SRC: variants seen among roughly 807,000 people sequenced by gnomAD.
SRC encodes the protein SRC proto-oncogene, non-receptor tyrosine kinase.
SRC carries 13 observed loss-of-function variants against 62.9 expected under a neutral mutation model. That is an observed-to-expected ratio of 0.21 (90% CI 0.13 to 0.33). The LOEUF is 0.33. Ranked by LOEUF, SRC falls within the 10% of genes least tolerant of loss-of-function variation. The pLI is 1.00. For synonymous variants in SRC, 302 were observed against 317.5 expected (o/e 0.95, Z 0.52); for missense variants, 457 against 737.3 (o/e 0.62, Z 4.40).
In SRC at chr20:37,397,775, G is replaced by A. The variant is rs1322791122; in HGVS notation, c.780G>A (p.Lys260=). The part of the protein sequence containing the change: ...TSKPQTQGLA[K]DAWEIPRESL... Reference sequence around the variant, plus strand: ...AGCCGCAGACTCAGGGCCTGGCCAAGGATGCCTGGGAGATCCCTCGGGAGT... The same window carrying A: ...AGCCGCAGACTCAGGGCCTGGCCAAAGATGCCTGGGAGATCCCTCGGGAGT... The change falls in exon 9 of 14, where the codon AAG becomes AAA. Residue 260 remains lysine, a synonymous_variant. Coordinates refer to ENST00000373578, the MANE Select transcript of SRC (RefSeq NM_198291.3). The surrounding 1 kb of genome is among the most constrained non-coding windows in gnomAD (Gnocchi z 4.1). 6.2e-7 allele frequency: 1 copy of A among 1,612,576 alleles called. No individual in the cohort carries two copies. The highest frequency in any genetic ancestry group is 8.5e-7 in the Non-Finnish European group (1 of 1,179,734).
chr20:37,352,960 A>G (rs2069828944), intron 1 of SRC, among the ~76,000 whole-genome samples: 1 of 152,180 alleles, frequency 6.6e-6, no homozygotes. Context: ...TACTGACCCC[A>G]CATCCACCAT....
intron 1 of SRC, among the ~76,000 whole-genome samples, chr20:37,363,616 G>A (rs900506855): frequency 9.2e-5 from 14 of 152,220 alleles, no homozygotes; most frequent in South Asian, 2.1e-4. Flanking sequence ...GGAGGGGAGC[G>A]TGAACCCCGG....
At position 37,403,939 on chromosome 20, in the gene SRC, T is replaced by G. The variant is rs990414504; in HGVS notation, c.*560T>G. 14 of 239,330 alleles carry G rather than the reference T, an allele frequency of 5.8e-5. No individual in the cohort carries two copies. In the East Asian group the frequency reaches 8.3e-4, roughly 14 times the overall value. The allele number at this position is 239,330 out of a possible 1,614,324, so 14.8% of individuals were successfully genotyped here. On this transcript the variant is annotated 3_prime_UTR_variant, in exon 14 of 14. Coordinates refer to ENST00000373578, the MANE Select transcript of SRC (RefSeq NM_198291.3). The surrounding 1 kb of genome is among the most constrained non-coding windows in gnomAD (Gnocchi z 7.1). The stretch of plus-strand genomic sequence containing the variant: ...AGGCTGGGCAGCACAAGGCCTTGCC[T>G]GGCCTGATGATGGTGGGTGGGTGGG...
intron 1 of SRC, among the ~76,000 whole-genome samples, chr20:37,348,475 A>G (rs1318481549): frequency 6.6e-6 from 1 of 152,208 alleles, no homozygotes; most frequent in Non-Finnish European, 1.5e-5. Flanking sequence ...CGTACCAGGA[A>G]CTTGGAACTC....
rs2070653515 is a variant in SRC, at chr20:37,396,486, C to T, written c.703+175C>T. On this transcript the variant is annotated intron_variant, in intron 8 of 13. Coordinates refer to ENST00000373578, the MANE Select transcript of SRC (RefSeq NM_198291.3). The surrounding 1 kb of genome is among the most constrained non-coding windows in gnomAD (Gnocchi z 6.1). ...TTTTCCCTCCTTTCCTTGTCTCCTT[C>T]TTCTTCCTCTTCTTTCCCCCAGCCC... 3 of 758,352 alleles carry T rather than the reference C, an allele frequency of 4.0e-6. No individual in the cohort carries two copies. The highest frequency in any genetic ancestry group is 6.2e-6 in the Non-Finnish European group (3 of 480,110). 47.0% of individuals were successfully genotyped at this position (758,352 alleles called of 1,614,324 possible).
chr20:37,403,005 G>A lies in SRC; in HGVS notation c.1402+125G>A. ...AAAACAAAGAAGTTGAGCGTCTGAT[G>A]TTAGGCTCTCTCGATGGTCCATGCT... On this transcript the variant is annotated intron_variant, in intron 13 of 13. Coordinates refer to ENST00000373578, the MANE Select transcript of SRC (RefSeq NM_198291.3). The surrounding 1 kb of genome is among the most constrained non-coding windows in gnomAD (Gnocchi z 7.1). 7.2e-7 allele frequency: 1 copy of A among 1,386,648 alleles called. No homozygotes were observed. The highest frequency in any genetic ancestry group is 1.5e-5 in the African/African-American group (1 of 68,944). The allele number at this position is 1,386,648 out of a possible 1,614,324, so 85.9% of individuals were successfully genotyped here.
rs1426576865 is a variant in SRC, at chr20:37,403,840, C to T, written c.*461C>T. ...GCCCCTGGCCCCGCCTGCCTGCCAC[C>T]CTGCCCCTTGCCATCCATTCTGGAA... is the stretch of plus-strand genomic sequence containing the variant. On this transcript the variant is annotated 3_prime_UTR_variant, in exon 14 of 14. Coordinates refer to ENST00000373578, the MANE Select transcript of SRC (RefSeq NM_198291.3). The surrounding 1 kb of genome is among the most constrained non-coding windows in gnomAD (Gnocchi z 7.1). The T allele has an allele frequency of 3.9e-6, 1 of 259,670 alleles. No individual in the cohort carries two copies. 16.1% of individuals were successfully genotyped at this position (259,670 alleles called of 1,614,324 possible).
chr20:37,382,561 C>T (rs1166789853), intron 2 of SRC, 58 bp from the exon 3 acceptor site: 1 of 152,266 alleles, frequency 6.6e-6, no homozygotes, highest in African/African-American at 2.4e-5. Flanking sequence ...TATGATTTCT[C>T]TTTCTAATGA....
intron 5 of SRC, among the ~76,000 whole-genome samples, chr20:37,386,940 TCC>T (rs936539167): frequency 1.3e-5 from 2 of 152,210 alleles, no homozygotes; most frequent in African/African-American, 4.8e-5. Flanking sequence ...TGGACCTGCC[TCC>T]GGTGATGACC....
chr20:37,367,163 C>T (rs2070076479), intron 2 of SRC, among the ~76,000 whole-genome samples: 1 of 146,884 alleles, frequency 6.8e-6, no homozygotes. Context: ...ACCTCAAACT[C>T]TTGGGCTCTA....
At chr20:37,399,989 G>T (rs2070714114) in intron 9 of SRC, 126 bp from the exon 10 acceptor site, 2 of 882,142 alleles carry the variant, frequency 2.3e-6, no homozygotes, top group South Asian at 2.2e-5. Context: ...CCCAGGCTTT[G>T]ACTGGGTTTG....
intron 5 of SRC, among the ~76,000 whole-genome samples, chr20:37,389,573 C>G (rs747873796): frequency 1.3e-5 from 2 of 152,114 alleles, no homozygotes; most frequent in Non-Finnish European, 2.9e-5. Flanking sequence ...ACCTGGCCAG[C>G]CTCAGCTGTG....
rs1262407930 is a variant in SRC, at chr20:37,384,168, G to C, written c.15G>C (p.Lys5Asn). The C allele has an allele frequency of 6.2e-7, 1 of 1,600,860 alleles. No individual in the cohort carries two copies. The stretch of plus-strand genomic sequence containing the variant: ...CTGCCAGGACCATGGGTAGCAACAA[G>C]AGCAAGCCCAAGGATGCCAGCCAGC... Reference protein sequence around the residue: MGSNKSKPKDASQRR... With the variant: MGSNNSKPKDASQRR... The change falls in exon 4 of 14, where the codon AAG (lysine) becomes AAC (asparagine). Residue 5 changes from lysine to asparagine, a missense_variant. Transcript: ENST00000373578. This position sits in a 1 kb window ranked among gnomAD's most constrained non-coding sequence, Gnocchi z 6.7.
intron 7 of SRC, among the ~76,000 whole-genome samples, chr20:37,395,294 G>A (rs114816672): frequency 0.018 from 2,749 of 152,318 alleles, 72 homozygotes; most frequent in African/African-American, 0.062. Context: ...ATCGCAGAGG[G>A]GGAGGTCTGT....
intron 1 of SRC, among the ~76,000 whole-genome samples, chr20:37,355,815 G>A (rs1410963328): frequency 6.6e-6 from 1 of 152,222 alleles, no homozygotes; most frequent in Non-Finnish European, 1.5e-5. Flanking sequence ...ATGTCTGGGG[G>A]TAGGAAGTAG....
At chr20:37,370,076 A>T (rs962984264) in intron 2 of SRC, among the ~76,000 whole-genome samples, 2 of 152,174 alleles carry the variant, frequency 1.3e-5, no homozygotes, top group Admixed American at 1.3e-4. Context: ...CTGGGATTGC[A>T]GGTGTGAGCC....
chr20:37,369,732 G>A (rs1450212586), intron 2 of SRC, among the ~76,000 whole-genome samples: 2 of 151,948 alleles, frequency 1.3e-5, no homozygotes, highest in Non-Finnish European at 2.9e-5. Flanking sequence ...GGGATGGCAC[G>A]CAGTCTTTTA....
At position 37,384,390 on chromosome 20, in the gene SRC, G is replaced by C; in HGVS notation, c.237G>C (p.Ala79=). 1 of 1,429,954 alleles carries C rather than the reference G, an allele frequency of 7.0e-7. No homozygotes were observed. Among genetic ancestry groups the C allele is most frequent in the Non-Finnish European group, 9.1e-7 (1 of 1,096,944 alleles). The allele number at this position is 1,429,954 out of a possible 1,614,324, so 88.6% of individuals were successfully genotyped here. A position where few individuals can be genotyped will look rare whatever the true frequency, so the allele number is the denominator to read the frequency against. ...ACACCGTCACCTCCCCGCAGAGGGC[G>C]GGCCCGCTGGCCGGTCAGTGCGCGG... ...SSDTVTSPQR[A]GPLAGGVTTF... Residue 79 remains alanine (A), a synonymous_variant, in exon 4 of 14, where the codon GCG becomes GCC. Coordinates refer to ENST00000373578, the MANE Select transcript of SRC (RefSeq NM_198291.3). This position sits in a 1 kb window ranked among gnomAD's most constrained non-coding sequence, Gnocchi z 6.7.
chr20:37,360,218 C>CTTTTTTTTTTTTTTTTTTTTTTTTT (rs61476973), intron 1 of SRC, among the ~76,000 whole-genome samples: 1 of 105,632 alleles, frequency 9.5e-6, no homozygotes, highest in African/African-American at 4.8e-5. Context: ...CTCTCTCTCT[C>CTTTTTTTTTTTTTTTTTTTTTTTTT]TTTTTTTTTT....
Sources: gnomAD v4.1 joint callset for allele counts (sites outside exome capture counted in the v4.1 genomes callset) on GRCh38, gnomAD v4.1.1 for gene constraint, Gnocchi (gnomAD v3.1) non-coding constraint, MANE v1.5 for transcripts, NCBI Gene and HGNC (gene_info 2026-07-23, HGNC 2026-07-21) for gene names.